The following APBB1IP variants were observed in gnomAD, a reference collection of about 807,000 sequenced individuals.
APBB1IP encodes the protein amyloid beta precursor protein binding family B member 1 interacting protein, also known as amyloid beta A4 precursor protein-binding family B member 1-interacting protein.
APBB1IP carries 27 observed loss-of-function variants against 64.9 expected under a neutral mutation model. The ratio of observed to expected loss-of-function variants is 0.42; its 90% CI spans 0.31 to 0.57. The LOEUF is 0.57. APBB1IP is among the 20% of genes least tolerant of loss of function. The pLI is 0.20. For missense variants in APBB1IP, 812 were observed against 845.5 expected (o/e 0.96, Z 0.49); for synonymous variants, 392 against 331.0 (o/e 1.18, Z -2.00).
chr10:26,472,586 T>C (rs116323133), intron 2 of APBB1IP, among the ~76,000 whole-genome samples: 21 of 151,888 alleles, frequency 1.4e-4, no homozygotes, highest in African/African-American at 5.1e-4. Context: ...CATTCATTCA[T>C]TCATTCATTC....
intron 2 of APBB1IP, among the ~76,000 whole-genome samples, chr10:26,456,918 G>A (rs1835533091): frequency 6.6e-6 from 1 of 152,142 alleles, no homozygotes; most frequent in Non-Finnish European, 1.5e-5. Context: ...TGTGGGACAA[G>A]TTCAAGGGCA....
In APBB1IP at chr10:26,513,679, TG is replaced by T; in HGVS notation, c.813+20del. 6.3e-7 allele frequency: 1 copy of T among 1,590,896 alleles called. No homozygotes were observed. Among genetic ancestry groups the T allele is most frequent in the African/African-American group, 1.4e-5 (1 of 72,788 alleles). On this transcript the variant is annotated intron_variant, in intron 8 of 14. Transcript: ENST00000376236. Reference sequence around the variant, plus strand: ...CCCCCAGGTAAGATGATCTGCATATTGTTAAACCCTATAAAGTACAAAGGAT... The same window carrying T: ...CCCCCAGGTAAGATGATCTGCATATTTTAAACCCTATAAAGTACAAAGGAT...
At chr10:26,461,903 A>C (rs1194036015) in intron 2 of APBB1IP, among the ~76,000 whole-genome samples, 3 of 152,092 alleles carry the variant, frequency 2.0e-5, no homozygotes, top group Non-Finnish European at 4.4e-5. Flanking sequence ...AACACTACTG[A>C]TGTGTATATA....
At chr10:26,492,227 C>A in intron 2 of APBB1IP, 100 bp from the exon 3 acceptor site, 1 of 1,045,082 alleles carries the variant, frequency 9.6e-7, no homozygotes, top group Non-Finnish European at 1.5e-6. Context: ...AACTTAGCTG[C>A]CCATGGATGG....
At chr10:26,467,284 A>T (rs1835660630) in intron 2 of APBB1IP, among the ~76,000 whole-genome samples, 2 of 152,176 alleles carry the variant, frequency 1.3e-5, no homozygotes, top group Admixed American at 1.3e-4. Flanking sequence ...AAGCAAAAGC[A>T]AGTTTTGCCT....
intron 8 of APBB1IP, among the ~76,000 whole-genome samples, chr10:26,527,499 A>G (rs2132458228): frequency 6.6e-6 from 1 of 150,526 alleles, no homozygotes; most frequent in Non-Finnish European, 1.5e-5. Context: ...GTGAGCTATG[A>G]TCCACTGCAC....
intron 2 of APBB1IP, among the ~76,000 whole-genome samples, chr10:26,459,604 T>C (rs1438604835): frequency 6.6e-6 from 1 of 152,244 alleles, no homozygotes; most frequent in Non-Finnish European, 1.5e-5. Flanking sequence ...CACCTGTTGT[T>C]TCCCGACTTT....
At chr10:26,546,915 C>G (rs1181273908) in intron 11 of APBB1IP, among the ~76,000 whole-genome samples, 1 of 152,186 alleles carries the variant, frequency 6.6e-6, no homozygotes, top group Non-Finnish European at 1.5e-5. Flanking sequence ...ATATACCCAA[C>G]AGTGGAAATA....
chr10:26,440,803 A>G (rs1466800315), intron 2 of APBB1IP, among the ~76,000 whole-genome samples: 1 of 152,188 alleles, frequency 6.6e-6, no homozygotes, highest in African/African-American at 2.4e-5. Flanking sequence ...TTATTATTAG[A>G]ATGAGCTACT....
chr10:26,460,446 C>T (rs963512305), intron 2 of APBB1IP, among the ~76,000 whole-genome samples: 1 of 152,104 alleles, frequency 6.6e-6, no homozygotes, highest in Non-Finnish European at 1.5e-5. Context: ...ATCTCTTTCC[C>T]CTTTTTTATG....
chr10:26,539,827 T>C (rs1281968037), intron 10 of APBB1IP, among the ~76,000 whole-genome samples: 1 of 152,140 alleles, frequency 6.6e-6, no homozygotes, highest in Non-Finnish European at 1.5e-5. Context: ...GAAAAAGAAG[T>C]ACCGGTAACC....
intron 6 of APBB1IP, among the ~76,000 whole-genome samples, chr10:26,507,784 A>G (rs545114870): frequency 6.6e-6 from 1 of 152,368 alleles, no homozygotes; most frequent in East Asian, 1.9e-4. Context: ...GGAAATGAAA[A>G]GAGAAGTAAG....
chr10:26,448,440 AG>A (rs1362762383), intron 2 of APBB1IP, among the ~76,000 whole-genome samples: 13 of 152,240 alleles, frequency 8.5e-5, no homozygotes, highest in African/African-American at 3.1e-4. Context: ...GACTAGCCAC[AG>A]TTAAAGTGCT....
chr10:26,541,044 A>T (rs1269458886), intron 10 of APBB1IP, among the ~76,000 whole-genome samples: 1 of 152,106 alleles, frequency 6.6e-6, no homozygotes, highest in African/African-American at 2.4e-5. Context: ...TGCATCAATA[A>T]TGACATCTCA....
intron 2 of APBB1IP, among the ~76,000 whole-genome samples, chr10:26,476,423 T>C (rs558892035): frequency 8.6e-6 from 1 of 116,336 alleles, no homozygotes; most frequent in Non-Finnish European, 1.6e-5. Context: ...CTCCAGTCTG[T>C]GTGACAGAGC....
intron 8 of APBB1IP, among the ~76,000 whole-genome samples, chr10:26,527,339 GA>G (rs1291329173): frequency 6.6e-6 from 1 of 152,024 alleles, no homozygotes; most frequent in Non-Finnish European, 1.5e-5. Flanking sequence ...TTGAAATCTG[GA>G]ATTCAAGACC....
chr10:26,534,345 G>C (rs1394691187), intron 9 of APBB1IP, among the ~76,000 whole-genome samples: 1 of 145,596 alleles, frequency 6.9e-6, no homozygotes, highest in Non-Finnish European at 1.5e-5. Flanking sequence ...AGCACATAAC[G>C]CAGTTGAAAT....
At chr10:26,455,810 A>G (rs1283180274) in intron 2 of APBB1IP, among the ~76,000 whole-genome samples, 2 of 152,236 alleles carry the variant, frequency 1.3e-5, no homozygotes, top group Non-Finnish European at 2.9e-5. Context: ...TAGGAGTGCC[A>G]AGAGAAATCG....
chr10:26,545,693 G>C (rs1441543332), intron 11 of APBB1IP, among the ~76,000 whole-genome samples: 1 of 151,830 alleles, frequency 6.6e-6, no homozygotes, highest in Admixed American at 6.6e-5. Flanking sequence ...CCGGGAGGCG[G>C]AGCTTGCAGT....
Sources: gnomAD v4.1 joint callset for allele counts (sites outside exome capture counted in the v4.1 genomes callset) on GRCh38, gnomAD v4.1.1 for gene constraint, MANE v1.5 for transcripts, NCBI Gene and HGNC (gene_info 2026-07-23, HGNC 2026-07-21) for gene names.